ADAMTS6: variants seen among roughly 807,000 people sequenced by gnomAD.
ADAMTS6 encodes the protein ADAM metallopeptidase with thrombospondin type 1 motif 6.
Under a neutral mutation model 144.3 loss-of-function variants are expected in ADAMTS6, and 23 were observed. The ratio of observed to expected loss-of-function variants is 0.16; its 90% CI spans 0.11 to 0.23. ADAMTS6 has a LOEUF of 0.23. Among genes scored for constraint, ADAMTS6 ranks in the 10% least tolerant of loss-of-function variants. ADAMTS6 has a pLI of 1.00. For synonymous variants in ADAMTS6, 444 were observed against 457.5 expected (o/e 0.97, Z 0.38); for missense variants, 999 against 1,379.6 (o/e 0.72, Z 4.37).
intron 7 of ADAMTS6, among the ~76,000 whole-genome samples, chr5:65,438,637 A>T (rs1357040589): frequency 6.6e-6 from 1 of 152,152 alleles, no homozygotes; most frequent in Non-Finnish European, 1.5e-5. Context: ...CACACAAGAA[A>T]ATATCTGCTA....
At chr5:65,304,089 T>A (rs904994353) in intron 9 of ADAMTS6, among the ~76,000 whole-genome samples, 4 of 152,204 alleles carry the variant, frequency 2.6e-5, no homozygotes, top group African/African-American at 9.6e-5. Context: ...ATAGTTTAGG[T>A]GTCAGATGCA....
intron 22 of ADAMTS6, among the ~76,000 whole-genome samples, chr5:65,178,151 C>A (rs1349671647): frequency 6.6e-6 from 1 of 152,136 alleles, no homozygotes; most frequent in South Asian, 2.1e-4. Context: ...TGTGGTGGAC[C>A]TTTACTGGGC....
At chr5:65,227,310 G>A (rs1445203359) in intron 15 of ADAMTS6, among the ~76,000 whole-genome samples, 1 of 152,062 alleles carries the variant, frequency 6.6e-6, no homozygotes, top group Non-Finnish European at 1.5e-5. Flanking sequence ...TTAGGTAACT[G>A]CAATTTTAAA....
chr5:65,391,346 T>C (rs939585861), intron 7 of ADAMTS6, among the ~76,000 whole-genome samples: 2 of 152,102 alleles, frequency 1.3e-5, no homozygotes, highest in East Asian at 3.8e-4. Context: ...CCCATATTCC[T>C]TTTACCCAGA....
chr5:65,184,837 TG>T (rs200852650), intron 22 of ADAMTS6, among the ~76,000 whole-genome samples: 5,551 of 150,874 alleles, frequency 0.037, 347 homozygotes, highest in African/African-American at 0.13. Context: ...AAGTACTGGG[TG>T]GGTTTCACTG....
chr5:65,408,376 C>A (rs2150178088), intron 7 of ADAMTS6, among the ~76,000 whole-genome samples: 1 of 152,162 alleles, frequency 6.6e-6, no homozygotes, highest in South Asian at 2.1e-4. Flanking sequence ...AGACTTTAAA[C>A]CAACAAAGAT....
chr5:65,312,652 A>G (rs929662602), intron 9 of ADAMTS6, among the ~76,000 whole-genome samples: 14 of 152,070 alleles, frequency 9.2e-5, no homozygotes, highest in Non-Finnish European at 2.1e-4. Context: ...GACTCTCCCC[A>G]TACCATACAC....
intron 15 of ADAMTS6, among the ~76,000 whole-genome samples, chr5:65,235,347 G>C (rs990925763): frequency 5.9e-5 from 9 of 152,230 alleles, no homozygotes; most frequent in Non-Finnish European, 1.0e-4. Flanking sequence ...ATTTTTATTT[G>C]TCAATTATAT....
At chr5:65,328,375 T>A (rs545975073) in intron 9 of ADAMTS6, among the ~76,000 whole-genome samples, 2 of 152,220 alleles carry the variant, frequency 1.3e-5, no homozygotes, top group South Asian at 4.1e-4. Context: ...AATATAAAAC[T>A]TAAATTCTAC....
intron 7 of ADAMTS6, among the ~76,000 whole-genome samples, chr5:65,337,602 T>C (rs1018502937): frequency 6.6e-6 from 1 of 152,132 alleles, no homozygotes; most frequent in Non-Finnish European, 1.5e-5. Flanking sequence ...ACCAGCTTAT[T>C]TCAGTTCCTC....
chr5:65,210,779 A>G (rs1240931274), intron 20 of ADAMTS6: 1 of 613,334 alleles, frequency 1.6e-6, no homozygotes, highest in Non-Finnish European at 3.0e-6. Flanking sequence ...GATGCTTACA[A>G]GAAACAGTTC....
chr5:65,393,879 A>G (rs959673948), intron 7 of ADAMTS6, among the ~76,000 whole-genome samples: 4 of 152,148 alleles, frequency 2.6e-5, no homozygotes, highest in Non-Finnish European at 5.9e-5. Context: ...GTTAGCTTTT[A>G]TTTCTTTCTT....
At chr5:65,375,073 C>T (rs1178203232) in intron 7 of ADAMTS6, among the ~76,000 whole-genome samples, 1 of 152,198 alleles carries the variant, frequency 6.6e-6, no homozygotes, top group Non-Finnish European at 1.5e-5. Context: ...AAAGCTGAAA[C>T]TGGATCCCTT....
intron 9 of ADAMTS6, among the ~76,000 whole-genome samples, chr5:65,324,652 TATG>T (rs973521304): frequency 3.3e-5 from 5 of 152,004 alleles, no homozygotes; most frequent in Non-Finnish European, 5.9e-5. Context: ...TACACATAAA[TATG>T]ATGAAGACTT....
At chr5:65,333,343 G>C (rs759521170) in intron 8 of ADAMTS6, among the ~76,000 whole-genome samples, 4 of 152,022 alleles carry the variant, frequency 2.6e-5, no homozygotes, top group Non-Finnish European at 5.9e-5. Context: ...ATTATGCTCT[G>C]TAACAATGTG....
At chr5:65,427,191 T>C (rs1332184723) in intron 7 of ADAMTS6, among the ~76,000 whole-genome samples, 1 of 152,166 alleles carries the variant, frequency 6.6e-6, no homozygotes, top group Non-Finnish European at 1.5e-5. Context: ...TATATAAATG[T>C]ACTCAATAGC....
At chr5:65,237,526 A>T (rs974339722) in intron 15 of ADAMTS6, among the ~76,000 whole-genome samples, 1 of 152,106 alleles carries the variant, frequency 6.6e-6, no homozygotes, top group Non-Finnish European at 1.5e-5. Context: ...TGGTTTTACT[A>T]GTGAAATCTA....
chr5:65,188,062 T>C lies in ADAMTS6; in HGVS notation c.2864A>G (p.Asn955Ser). 6.2e-7 allele frequency: 1 copy of C among 1,614,168 alleles called. No individual in the cohort carries two copies. The highest frequency in any genetic ancestry group is 8.5e-7 in the Non-Finnish European group (1 of 1,179,996). ...THRPVEKEPC[N>S]NQSCPPQWVA... ...CCACTGTGGTGGACATGACTGGTTG[T>C]TGCAGGGCTCTTTTTCGACAGGCCG... The change falls in exon 22 of 25, where the codon AAC (asparagine) becomes AGC (serine). Residue 955 changes from asparagine (N) to serine (S), a missense_variant. Physicochemically the swap from Asn to Ser is conservative, Grantham distance 46 (BLOSUM62 1). Transcript: ENST00000381055.
intron 9 of ADAMTS6, among the ~76,000 whole-genome samples, chr5:65,317,741 T>C (rs1028622123): frequency 6.6e-6 from 1 of 152,012 alleles, no homozygotes; most frequent in Non-Finnish European, 1.5e-5. Flanking sequence ...GATTAAAAAA[T>C]AGGCAAAAGA....
Sources: gnomAD v4.1 joint callset for allele counts (sites outside exome capture counted in the v4.1 genomes callset) on GRCh38, gnomAD v4.1.1 for gene constraint, MANE v1.5 for transcripts, NCBI Gene and HGNC (gene_info 2026-07-23, HGNC 2026-07-21) for gene names.